Variants in DPYD observed in about 807,000 individuals in gnomAD.
The protein encoded by DPYD is dihydropyrimidine dehydrogenase [NADP(+)].
Under a neutral mutation model 116.2 loss-of-function variants are expected in DPYD, and 109 were observed. The ratio of observed to expected loss-of-function variants is 0.94; its 90% CI spans 0.80 to 1.10. DPYD has a LOEUF of 1.10. Among genes scored for constraint, DPYD ranks in the 50% least tolerant of loss-of-function variants. The probability of loss-of-function intolerance (pLI) is 0.00; values close to 1 mark genes in which losing one functional copy is unlikely to be tolerated. For synonymous variants in DPYD, 440 were observed against 432.0 expected (o/e 1.02, Z -0.23); for missense variants, 1,302 against 1,254.5 (o/e 1.04, Z -0.57).
intron 3 of DPYD, among the ~76,000 whole-genome samples, chr1:97,746,645 C>T (rs1175644495): frequency 6.6e-6 from 1 of 151,906 alleles, no homozygotes; most frequent in East Asian, 1.9e-4. Flanking sequence ...ATACGAAAGA[C>T]GTGATGGAAA....
intron 20 of DPYD, among the ~76,000 whole-genome samples, chr1:97,127,573 G>T (rs1184973810): frequency 6.6e-6 from 1 of 151,946 alleles, no homozygotes; most frequent in South Asian, 2.1e-4. Context: ...CAACTTGAAG[G>T]TTGCTAGAAA....
chr1:97,252,364 A>C (rs1194522990), intron 18 of DPYD, among the ~76,000 whole-genome samples: 1 of 152,226 alleles, frequency 6.6e-6, no homozygotes, highest in Non-Finnish European at 1.5e-5. Context: ...TTGGTGGGGA[A>C]AGGATATATA....
At chr1:97,679,272 CA>C in intron 7 of DPYD, 90 bp from the exon 8 acceptor site, 1 of 693,448 alleles carries the variant, frequency 1.4e-6, no homozygotes, top group Non-Finnish European at 2.5e-6. Context: ...AAAAGTCAGC[CA>C]AAAATTCTAT....
intron 12 of DPYD, chr1:97,546,142 C>T (rs1228266084): frequency 1.4e-6 from 2 of 1,411,424 alleles, no homozygotes; most frequent in African/African-American, 1.4e-5. Flanking sequence ...AAGGAGCAGT[C>T]CTTCTGTGCT....
chr1:97,136,671 A>G (rs888475118), intron 20 of DPYD, among the ~76,000 whole-genome samples: 1 of 152,296 alleles, frequency 6.6e-6, no homozygotes, highest in South Asian at 2.1e-4. Flanking sequence ...CTGGAATCCA[A>G]GGGAGAATCA....
chr1:97,596,545 T>C (rs1419858293), intron 8 of DPYD, among the ~76,000 whole-genome samples: 1 of 148,342 alleles, frequency 6.7e-6, no homozygotes, highest in Non-Finnish European at 1.5e-5. Flanking sequence ...GGAAAACATG[T>C]AGTTTTATTT....
chr1:97,332,218 A>G (rs905503260), intron 16 of DPYD, among the ~76,000 whole-genome samples: 3 of 152,158 alleles, frequency 2.0e-5, no homozygotes, highest in Non-Finnish European at 4.4e-5. Context: ...CATCCTGTCT[A>G]TTCCTGTAGT....
intron 2 of DPYD, among the ~76,000 whole-genome samples, chr1:97,844,854 A>C (rs2101545848): frequency 6.6e-6 from 1 of 152,282 alleles, no homozygotes; most frequent in African/African-American, 2.4e-5. Context: ...TGCTCCCACT[A>C]CCTGGTCTCT....
At chr1:97,477,088 T>C (rs1678009131) in intron 13 of DPYD, among the ~76,000 whole-genome samples, 1 of 152,226 alleles carries the variant, frequency 6.6e-6, no homozygotes, top group Non-Finnish European at 1.5e-5. Context: ...TGGCAATTTC[T>C]GTAAACAAGA....
intron 18 of DPYD, among the ~76,000 whole-genome samples, chr1:97,290,857 G>A (rs555946720): frequency 1.3e-5 from 2 of 152,232 alleles, no homozygotes; most frequent in South Asian, 4.1e-4. Context: ...AAACTAAAGA[G>A]CTTCTGCACA....
At chr1:97,903,869 T>A (rs540513272) in intron 1 of DPYD, among the ~76,000 whole-genome samples, 13 of 152,098 alleles carry the variant, frequency 8.5e-5, no homozygotes, top group Admixed American at 8.5e-4. Flanking sequence ...AATAAAAATT[T>A]GAATTTTACT....
At chr1:97,286,914 T>C (rs1665729995) in intron 18 of DPYD, among the ~76,000 whole-genome samples, 1 of 152,236 alleles carries the variant, frequency 6.6e-6, no homozygotes. Context: ...CCTTCTTCTC[T>C]CAACTCGTCA....
intron 16 of DPYD, among the ~76,000 whole-genome samples, chr1:97,335,927 T>C (rs894679746): frequency 2.0e-5 from 3 of 152,184 alleles, no homozygotes; most frequent in African/African-American, 7.2e-5. Flanking sequence ...TTGACTCTCA[T>C]GGGCATTTTC....
chr1:97,588,911 CTGTT>C (rs552372783), intron 10 of DPYD, among the ~76,000 whole-genome samples: 424 of 152,302 alleles, frequency 2.8e-3, no homozygotes, highest in Non-Finnish European at 5.1e-3. Flanking sequence ...ACACAGCACA[CTGTT>C]TGTGACTCTA....
intron 19 of DPYD, among the ~76,000 whole-genome samples, chr1:97,195,503 A>C (rs1658690233): frequency 1.7e-5 from 2 of 115,912 alleles, no homozygotes; most frequent in African/African-American, 3.2e-5. Flanking sequence ...AGGTTCCAGA[A>C]TGGGGAATGG....
chr1:97,416,302 C>G (rs1358130816), intron 14 of DPYD, among the ~76,000 whole-genome samples: 1 of 152,072 alleles, frequency 6.6e-6, no homozygotes, highest in Admixed American at 6.6e-5. Context: ...TAATGTAGTA[C>G]AGAAATTTAT....
At chr1:97,085,553 A>G (rs1392785104) in intron 21 of DPYD, among the ~76,000 whole-genome samples, 1 of 152,242 alleles carries the variant, frequency 6.6e-6, no homozygotes, top group Non-Finnish European at 1.5e-5. Flanking sequence ...AAAGAATGAC[A>G]ACTATTTTAA....
chr1:97,248,867 C>G (rs1662896088), intron 18 of DPYD, among the ~76,000 whole-genome samples: 2 of 151,998 alleles, frequency 1.3e-5, no homozygotes, highest in Admixed American at 1.3e-4. Flanking sequence ...CACCAAAAAG[C>G]AACAATAGGA....
At chr1:97,719,507 GCAT>G (rs1211926773) in intron 5 of DPYD, among the ~76,000 whole-genome samples, 3 of 151,864 alleles carry the variant, frequency 2.0e-5, no homozygotes, top group African/African-American at 2.4e-5. Context: ...AAAATTATTT[GCAT>G]CATATTACAC....
Sources: gnomAD v4.1 joint callset for allele counts (sites outside exome capture counted in the v4.1 genomes callset) on GRCh38, gnomAD v4.1.1 for gene constraint, MANE v1.5 for transcripts, NCBI Gene and HGNC (gene_info 2026-07-23, HGNC 2026-07-21) for gene names.